Variants in PSMC1 observed in about 807,000 individuals in gnomAD.
The protein encoded by PSMC1 is 26S proteasome regulatory subunit 4.
Under a neutral mutation model 49.8 loss-of-function variants are expected in PSMC1, and 5 were observed. That is an observed-to-expected ratio of 0.10 (90% confidence interval 0.05 to 0.21). The LOEUF is 0.21. Ranked by LOEUF, PSMC1 falls within the 10% of genes least tolerant of loss-of-function variation. The pLI is 1.00. For synonymous variants in PSMC1, 155 were observed against 192.1 expected, an observed-to-expected ratio of 0.81 and a Z score of 1.60; for missense variants, 181 against 535.7, an observed-to-expected ratio of 0.34 and a Z score of 6.54.
chr14:90,257,663 C>T (rs539051299), intron 1 of PSMC1, among the ~76,000 whole-genome samples: 2 of 152,202 alleles, frequency 1.3e-5, no homozygotes, highest in South Asian at 4.1e-4. Flanking sequence ...GGCTGGAGTG[C>T]AGTGGCGCGA....
intron 3 of PSMC1, among the ~76,000 whole-genome samples, chr14:90,261,887 G>T (rs1462195121): frequency 6.6e-6 from 1 of 151,404 alleles, no homozygotes; most frequent in Non-Finnish European, 1.5e-5. Context: ...CAATAGCAAA[G>T]ACTTGGAACC....
At chr14:90,270,570 G>C (rs982800327) in intron 10 of PSMC1, 1 of 495,866 alleles carries the variant, frequency 2.0e-6, no homozygotes, top group Non-Finnish European at 3.4e-6. Context: ...AAATCACCTG[G>C]AGCCACAAGG....
rs773667044 is a variant in PSMC1 at position 90,263,841 on chromosome 14, C to T, written c.459C>T (p.Asn153=). The change falls in exon 5 of 11, where the codon AAC becomes AAT. Residue 153 remains asparagine, a synonymous_variant. Transcript: ENST00000261303. ...AACCTGGCTGCTCGGTCCTGCTCAACCACAAGGTGAGGTGATAGTCTTTTT... is the reference window on the plus strand; with the variant it reads ...AACCTGGCTGCTCGGTCCTGCTCAATCACAAGGTGAGGTGATAGTCTTTTT... ...LLEPGCSVLL[N]HKVHAVIGVL... 6.2e-7 allele frequency: 1 copy of T among 1,614,118 alleles called. No individual in the cohort carries two copies. The highest frequency in any genetic ancestry group is 8.5e-7 in the Non-Finnish European group (1 of 1,179,978).
intron 9 of PSMC1, 128 bp from the exon 10 acceptor site, chr14:90,270,070 A>T: frequency 1.1e-6 from 1 of 948,994 alleles, no homozygotes; most frequent in Non-Finnish European, 1.6e-6. Flanking sequence ...TTTAAAATTT[A>T]GACATCCTTC....
chr14:90,271,853 G>T (rs1357192024), intron 10 of PSMC1: 3 of 150,110 alleles, frequency 2.0e-5, no homozygotes, highest in Non-Finnish European at 4.4e-5. Flanking sequence ...TAAGCAATTT[G>T]TGTTTAGTCT....
intron 1 of PSMC1, among the ~76,000 whole-genome samples, chr14:90,257,399 T>G (rs1891315719): frequency 6.6e-6 from 1 of 151,868 alleles, no homozygotes; most frequent in Non-Finnish European, 1.5e-5. Context: ...CTTGGAGGAG[T>G]GGCTGCTTTT....
chr14:90,268,611 G>T, intron 8 of PSMC1, 198 bp downstream of exon 8: 1 of 558,686 alleles, frequency 1.8e-6, no homozygotes, highest in South Asian at 2.3e-5. Context: ...TGGAGAGATT[G>T]GTCAGTTATG....
chr14:90,263,899 C>T, intron 5 of PSMC1, 52 bp downstream of exon 5: 1 of 1,606,702 alleles, frequency 6.2e-7, no homozygotes, highest in Non-Finnish European at 8.5e-7. Flanking sequence ...TCTCTTCTCA[C>T]TTAGGTTCAT....
chr14:90,258,942 A>T (rs1054882049), intron 1 of PSMC1, among the ~76,000 whole-genome samples: 1 of 152,214 alleles, frequency 6.6e-6, no homozygotes, highest in African/African-American at 2.4e-5. Context: ...TGCCAGGTGC[A>T]CCAGTAATCT....
At position 90,272,327 on chromosome 14, in the gene PSMC1, A is replaced by G. The variant is rs1434826647; in HGVS notation, c.1243A>G (p.Thr415Ala). ...MALRERRMKV[T>A]NEDFKKSKEN... ...CTTAAGAGAACGTAGAATGAAAGTA[A>G]CAAATGAAGACTTCAAAAAATCTAA... Residue 415 changes from threonine to alanine, a missense_variant, in exon 11 of 11, where the codon ACA becomes GCA. Physicochemically the swap from Thr to Ala is moderately conservative, Grantham distance 58 (BLOSUM62 0). Coordinates refer to ENST00000261303, the MANE Select transcript of PSMC1 (RefSeq NM_002802.3). The surrounding 1 kb of genome is among the most constrained non-coding windows in gnomAD (Gnocchi z 4.5). 6.2e-7 allele frequency: 1 copy of G among 1,604,940 alleles called. No homozygotes were observed. The highest frequency in any genetic ancestry group is 8.5e-7 in the Non-Finnish European group (1 of 1,178,188).
chr14:90,263,575 T>C, intron 4 of PSMC1, 87 bp from the exon 5 acceptor site: 2 of 1,503,854 alleles, frequency 1.3e-6, no homozygotes. Flanking sequence ...TTTACAAGCA[T>C]CGGCTGCTTT....
rs1426394679 is a variant in PSMC1, at chr14:90,260,346, C to A, written c.154+135C>A. ...GCTCTAGCTTTGTGATTCATTTCTA[C>A]CTCACTCTTGAGTGTGGCATTCCTC... On this transcript the variant is annotated intron_variant, in intron 3 of 10. Transcript: ENST00000261303. 4.6e-6 allele frequency: 3 copies of A among 649,852 alleles called. No homozygotes were observed. The African/African-American group carries it at 5.4e-5, about 12-fold the overall frequency. 40.3% of individuals were successfully genotyped at this position (649,852 alleles called of 1,614,324 possible).
chr14:90,258,805 G>A (rs1276536676), intron 1 of PSMC1, among the ~76,000 whole-genome samples: 1 of 152,252 alleles, frequency 6.6e-6, no homozygotes, highest in African/African-American at 2.4e-5. Flanking sequence ...CAGTCCGGTA[G>A]TTTCCTATCA....
At chr14:90,262,804 C>T (rs555310548) in intron 3 of PSMC1, among the ~76,000 whole-genome samples, 2 of 151,044 alleles carry the variant, frequency 1.3e-5, no homozygotes, top group African/African-American at 4.8e-5. Context: ...AAAAAAGACA[C>T]AATTCTTACG....
chr14:90,272,790 G>A lies in PSMC1; in HGVS notation c.*383G>A. On this transcript the variant is annotated 3_prime_UTR_variant, in exon 11 of 11. Transcript: ENST00000261303. The surrounding 1 kb of genome is among the most constrained non-coding windows in gnomAD (Gnocchi z 4.5). ...ACACCCCCAGAGCTGGCGTTCAACG[G>A]TAATTACAGTGGGAAATGGTCACTA... 6.2e-6 allele frequency: 1 copy of A among 161,398 alleles called. No homozygotes were observed. The highest frequency in any genetic ancestry group is 1.4e-5 in the Non-Finnish European group (1 of 73,946). 10.0% of individuals were successfully genotyped at this position (161,398 alleles called of 1,614,324 possible).
chr14:90,259,010 G>A, intron 1 of PSMC1, 150 bp from the exon 2 acceptor site: 1 of 603,808 alleles, frequency 1.7e-6, no homozygotes, highest in Non-Finnish European at 2.6e-6. Flanking sequence ...CACATTGACT[G>A]CAAGTATTAC....
At position 90,259,230 on chromosome 14, in the gene PSMC1, T is replaced by G. The variant is rs1299621044; in HGVS notation, c.57+17T>G. On this transcript the variant is annotated intron_variant, in intron 2 of 10. Coordinates refer to ENST00000261303, the MANE Select transcript of PSMC1 (RefSeq NM_002802.3). ...GATGACAAGGTAAATATGCCAGATTTGTCCTGTGATATGAGCAAATTGTGG... is the reference window on the plus strand; with the variant it reads ...GATGACAAGGTAAATATGCCAGATTGGTCCTGTGATATGAGCAAATTGTGG... The G allele has an allele frequency of 6.2e-6, 10 of 1,612,948 alleles. No homozygotes were observed. Among genetic ancestry groups the G allele is most frequent in the Non-Finnish European group, 8.5e-6 (10 of 1,179,162 alleles).
At chr14:90,265,258 ACAC>A (rs1891482112) in intron 7 of PSMC1, 92 bp downstream of exon 7, 5 of 835,552 alleles carry the variant, frequency 6.0e-6, no homozygotes, top group Middle Eastern at 2.2e-4. Flanking sequence ...ATAAGAGAGG[ACAC>A]CACAATTCCT....
chr14:90,261,326 A>G (rs536435179), intron 3 of PSMC1, among the ~76,000 whole-genome samples: 2 of 152,360 alleles, frequency 1.3e-5, no homozygotes, highest in African/African-American at 4.8e-5. Flanking sequence ...AGAAAAAACT[A>G]AGAAGAAATA....
Sources: gnomAD v4.1 joint callset for allele counts (sites outside exome capture counted in the v4.1 genomes callset) on GRCh38, gnomAD v4.1.1 for gene constraint, Gnocchi (gnomAD v3.1) non-coding constraint, MANE v1.5 for transcripts, NCBI Gene and HGNC (gene_info 2026-07-23, HGNC 2026-07-21) for gene names.